Variants in CDK5RAP2 observed in about 807,000 individuals in gnomAD.
The protein encoded by CDK5RAP2 is CDK5 regulatory subunit associated protein 2.
A neutral mutation model predicts 232.9 loss-of-function variants in CDK5RAP2; 147 were observed. The ratio of observed to expected loss-of-function variants is 0.63; its 90% confidence interval spans 0.55 to 0.72. The LOEUF (loss-of-function observed/expected upper bound fraction) is 0.72, where lower values mean the gene tolerates loss of function less well. CDK5RAP2 is among the 30% of genes least tolerant of loss of function. The pLI is 0.00. For synonymous variants in CDK5RAP2, 833 were observed against 833.7 expected (o/e 1.00, Z 0.01); for missense variants, 2,195 against 2,231.5 (o/e 0.98, Z 0.33).
Position 120,518,641 on chromosome 9 carries a change from G to T in CDK5RAP2, c.1097C>A (p.Ser366Tyr), listed in dbSNP as rs186482189. The change falls in exon 12 of 38, where the codon TCT (serine) becomes TAT (tyrosine). Residue 366 changes from serine (S) to tyrosine (Y), a missense_variant. Physicochemically the swap from Ser to Tyr is moderately radical, Grantham distance 144 (BLOSUM62 -2). Transcript: ENST00000349780. Reference sequence around the variant, plus strand: ...TGATAGAGCAGTCTCATAGTCTTCAGACCCCTAGAAGAGAAGGCAGAGAAG... The same window carrying T: ...TGATAGAGCAGTCTCATAGTCTTCATACCCCTAGAAGAGAAGGCAGAGAAG... The part of the protein sequence containing the change: ...QKAQTQEFQG[S>Y]EDYETALSGK... The T allele has an allele frequency of 8.1e-6, 13 of 1,613,210 alleles. No individual in the cohort carries two copies. The East Asian group carries it at 2.5e-4, about 30-fold the overall frequency.
intron 34 of CDK5RAP2, 53 bp downstream of exon 34, chr9:120,402,753 C>A: frequency 6.2e-7 from 1 of 1,607,514 alleles, no homozygotes; most frequent in African/African-American, 1.3e-5. Flanking sequence ...CTCCCCCTTC[C>A]ACCGACACTC....
chr9:120,542,357 T>C (rs2132002821), intron 5 of CDK5RAP2, among the ~76,000 whole-genome samples: 1 of 152,094 alleles, frequency 6.6e-6, no homozygotes, highest in South Asian at 2.1e-4. Context: ...ATACAAAAAT[T>C]AGCCAAGGCT....
At chr9:120,477,295 G>A (rs771901987) in intron 15 of CDK5RAP2, 55 bp downstream of exon 15, 17 of 1,215,736 alleles carry the variant, frequency 1.4e-5, no homozygotes, top group South Asian at 6.0e-5. Context: ...GTGTATGCGC[G>A]TGCATGTGTG....
intron 26 of CDK5RAP2, among the ~76,000 whole-genome samples, chr9:120,420,888 G>A (rs1390380298): frequency 1.3e-5 from 2 of 152,186 alleles, no homozygotes; most frequent in Admixed American, 6.5e-5. Context: ...AGTGGCCCAA[G>A]TTAAACTACA....
At chr9:120,507,362 G>T (rs995388651) in intron 12 of CDK5RAP2, among the ~76,000 whole-genome samples, 2 of 152,228 alleles carry the variant, frequency 1.3e-5, no homozygotes, top group East Asian at 3.9e-4. Context: ...GAAAACTGAA[G>T]TTCAAAGACT....
In CDK5RAP2 at chr9:120,408,605, T is replaced by G. The variant is rs2033643071; in HGVS notation, c.4605-137A>C. Reference sequence around the variant, plus strand: ...AGAAGTGACAAGCATGGTTAAGAATTCCATGTGCTCTCTAATCCTAATTCC... The same window carrying G: ...AGAAGTGACAAGCATGGTTAAGAATGCCATGTGCTCTCTAATCCTAATTCC... On this transcript the variant is annotated intron_variant, in intron 30 of 37. Coordinates refer to ENST00000349780, the MANE Select transcript of CDK5RAP2 (RefSeq NM_018249.6). 8.6e-6 allele frequency: 8 copies of G among 927,868 alleles called. No individual in the cohort carries two copies. In the South Asian group the frequency reaches 1.1e-4, roughly 13 times the overall value. 57.5% of individuals were successfully genotyped at this position (927,868 alleles called of 1,614,324 possible).
chr9:120,479,333 G>A (rs1287577058), intron 14 of CDK5RAP2, among the ~76,000 whole-genome samples: 1 of 152,010 alleles, frequency 6.6e-6, no homozygotes, highest in Non-Finnish European at 1.5e-5. Flanking sequence ...AAATAATTCA[G>A]CCAAGAAACA....
intron 3 of CDK5RAP2, among the ~76,000 whole-genome samples, chr9:120,567,864 T>A (rs1004309580): frequency 6.6e-6 from 1 of 152,138 alleles, no homozygotes; most frequent in Admixed American, 6.5e-5. Flanking sequence ...TAAACAACTC[T>A]CTCCTAGTCT....
chr9:120,480,735 T>C (rs533248135), intron 14 of CDK5RAP2, among the ~76,000 whole-genome samples: 2 of 152,222 alleles, frequency 1.3e-5, no homozygotes, highest in Non-Finnish European at 2.9e-5. Flanking sequence ...GAAGAAGCCC[T>C]GATCCAGGAG....
At chr9:120,436,080 T>C (rs2035560570) in intron 25 of CDK5RAP2, among the ~76,000 whole-genome samples, 1 of 152,242 alleles carries the variant, frequency 6.6e-6, no homozygotes, top group Non-Finnish European at 1.5e-5. Flanking sequence ...TAATTTACAC[T>C]GGAGAAAACT....
At chr9:120,494,580 T>C (rs1338089808) in intron 12 of CDK5RAP2, among the ~76,000 whole-genome samples, 1 of 151,678 alleles carries the variant, frequency 6.6e-6, no homozygotes, top group African/African-American at 2.4e-5. Context: ...TAAAACAGTA[T>C]CTGCAAGTCC....
In CDK5RAP2 at chr9:120,389,139, G is replaced by T; in HGVS notation, c.*97C>A. ...AAAATAGATTTCCTTTGGCCAGACA[G>T]CTCTTTCTTCCTCAATAAATAGGAA... is the stretch of plus-strand genomic sequence containing the variant. On this transcript the variant is annotated 3_prime_UTR_variant, in exon 38 of 38. Coordinates refer to ENST00000349780, the MANE Select transcript of CDK5RAP2 (RefSeq NM_018249.6). The T allele has an allele frequency of 9.8e-7, 1 of 1,020,496 alleles. No individual in the cohort carries two copies. The highest frequency in any genetic ancestry group is 1.5e-6 in the Non-Finnish European group (1 of 665,214). The allele number at this position is 1,020,496 out of a possible 1,614,324, so 63.2% of individuals were successfully genotyped here. A position where few individuals can be genotyped will look rare whatever the true frequency, so the allele number is the denominator to read the frequency against.
At chr9:120,565,762 T>G (rs1197834796) in intron 3 of CDK5RAP2, among the ~76,000 whole-genome samples, 1 of 152,114 alleles carries the variant, frequency 6.6e-6, no homozygotes, top group Non-Finnish European at 1.5e-5. Context: ...CAACATCTCC[T>G]CCAGAGGCTT....
At chr9:120,405,510 AC>A (rs1301015926) in intron 32 of CDK5RAP2, among the ~76,000 whole-genome samples, 1 of 152,180 alleles carries the variant, frequency 6.6e-6, no homozygotes, top group East Asian at 1.9e-4. Flanking sequence ...CCCCTAGCCT[AC>A]CCCACAAGTT....
intron 1 of CDK5RAP2, among the ~76,000 whole-genome samples, chr9:120,577,395 T>C (rs1588695509): frequency 1.3e-5 from 2 of 148,544 alleles, no homozygotes; most frequent in South Asian, 2.1e-4. Flanking sequence ...AGACAGAAAG[T>C]AGAATGGTGA....
chr9:120,428,356 C>T (rs965740218), intron 25 of CDK5RAP2, among the ~76,000 whole-genome samples: 2 of 151,974 alleles, frequency 1.3e-5, no homozygotes, highest in Admixed American at 6.6e-5. Context: ...TGATAGACCG[C>T]TAGCAAGACT....
At chr9:120,558,593 C>T (rs142130239) in intron 3 of CDK5RAP2, among the ~76,000 whole-genome samples, 554 of 152,210 alleles carry the variant, frequency 3.6e-3, no homozygotes, top group Non-Finnish European at 6.6e-3. Flanking sequence ...CAGGTATCAT[C>T]TTCTCCCCTG....
intron 8 of CDK5RAP2, among the ~76,000 whole-genome samples, chr9:120,529,651 A>G (rs2041060198): frequency 2.0e-5 from 3 of 152,252 alleles, no homozygotes; most frequent in Admixed American, 2.0e-4. Flanking sequence ...AAGATGGAAA[A>G]CAATGCACCA....
intron 11 of CDK5RAP2, among the ~76,000 whole-genome samples, chr9:120,519,582 C>T (rs996336911): frequency 6.6e-6 from 1 of 152,202 alleles, no homozygotes; most frequent in South Asian, 2.1e-4. Flanking sequence ...CAATCCTACA[C>T]AAAAAATACT....
Sources: gnomAD v4.1 joint callset for allele counts (sites outside exome capture counted in the v4.1 genomes callset) on GRCh38, gnomAD v4.1.1 for gene constraint, MANE v1.5 for transcripts, NCBI Gene and HGNC (gene_info 2026-07-23, HGNC 2026-07-21) for gene names.